ROBO2: variants seen among roughly 807,000 people sequenced by gnomAD.
The protein encoded by ROBO2 is roundabout guidance receptor 2.
Under a neutral mutation model 160.8 loss-of-function variants are expected in ROBO2, and 53 were observed. The observed-to-expected ratio is 0.33, with a 90% CI of 0.26 to 0.41. The LOEUF (loss-of-function observed/expected upper bound fraction) is 0.41, where lower values mean the gene tolerates loss of function less well. ROBO2 is among the 10% of genes least tolerant of loss of function. The probability of loss-of-function intolerance (pLI) is 1.00; values close to 1 mark genes in which losing one functional copy is unlikely to be tolerated. For synonymous variants in ROBO2, 664 were observed against 611.7 expected, an observed-to-expected ratio of 1.09 and a Z score of -1.26; for missense variants, 1,577 against 1,722.4, an observed-to-expected ratio of 0.92 and a Z score of 1.49.
intron 5 of ROBO2, among the ~76,000 whole-genome samples, chr3:77,515,820 G>C (rs1378663507): frequency 6.6e-6 from 1 of 151,602 alleles, no homozygotes; most frequent in East Asian, 1.9e-4. Flanking sequence ...TGCTACCGAT[G>C]AATTCCAGGG....
intron 19 of ROBO2, among the ~76,000 whole-genome samples, chr3:77,601,949 C>T (rs528828900): frequency 1.3e-5 from 2 of 152,148 alleles, no homozygotes; most frequent in South Asian, 2.1e-4. Flanking sequence ...GTATGCCAAC[C>T]GTCTCATTCA....
chr3:76,705,020 C>T (rs1321063361), intron 2 of ROBO2, among the ~76,000 whole-genome samples: 1 of 151,986 alleles, frequency 6.6e-6, no homozygotes, highest in East Asian at 1.9e-4. Context: ...AGCTTTGTAC[C>T]ACATACAGCC....
chr3:76,687,340 A>C (rs1188927774), intron 2 of ROBO2, among the ~76,000 whole-genome samples: 1 of 152,070 alleles, frequency 6.6e-6, no homozygotes, highest in African/African-American at 2.4e-5. Flanking sequence ...TGAGAATTAA[A>C]TGAGTTAATA....
intron 2 of ROBO2, among the ~76,000 whole-genome samples, chr3:76,436,577 A>C (rs2076694113): frequency 6.6e-6 from 1 of 152,076 alleles, no homozygotes; most frequent in African/African-American, 2.4e-5. Context: ...GTGGGAAGAG[A>C]GATTGTCCTG....
intron 2 of ROBO2, among the ~76,000 whole-genome samples, chr3:77,436,982 G>A (rs2079356386): frequency 1.3e-5 from 2 of 151,900 alleles, no homozygotes; most frequent in African/African-American, 2.4e-5. Context: ...TTGGACAATT[G>A]TATACACATG....
intron 2 of ROBO2, among the ~76,000 whole-genome samples, chr3:76,315,144 T>C (rs1362271703): frequency 6.6e-6 from 1 of 152,192 alleles, no homozygotes; most frequent in Non-Finnish European, 1.5e-5. Flanking sequence ...ACCTGACTGT[T>C]GTCCATGTCC....
intron 2 of ROBO2, among the ~76,000 whole-genome samples, chr3:76,802,270 C>T (rs1438802178): frequency 6.6e-6 from 1 of 152,082 alleles, no homozygotes; most frequent in Non-Finnish European, 1.5e-5. Flanking sequence ...TGCAATCAAG[C>T]GAAGCACAAT....
At chr3:76,911,836 G>A (rs918637862) in intron 2 of ROBO2, among the ~76,000 whole-genome samples, 7 of 151,972 alleles carry the variant, frequency 4.6e-5, no homozygotes, top group South Asian at 4.1e-4. Context: ...GTGTGGTGGC[G>A]CATGCCTGTA....
chr3:77,133,280 G>A (rs1340142640), intron 2 of ROBO2, among the ~76,000 whole-genome samples: 1 of 152,068 alleles, frequency 6.6e-6, no homozygotes, highest in Non-Finnish European at 1.5e-5. Context: ...GTAGCGATGA[G>A]GCCACTGGGG....
intron 2 of ROBO2, among the ~76,000 whole-genome samples, chr3:76,402,820 A>G (rs2077913808): frequency 6.6e-6 from 1 of 151,682 alleles, no homozygotes; most frequent in African/African-American, 2.4e-5. Flanking sequence ...TTTCATTTCC[A>G]CTTTTAAGAA....
chr3:76,654,571 A>G (rs896732223), intron 2 of ROBO2, among the ~76,000 whole-genome samples: 1 of 152,072 alleles, frequency 6.6e-6, no homozygotes, highest in Non-Finnish European at 1.5e-5. Context: ...TTTAACAGAG[A>G]TTAACTGACC....
chr3:77,475,811 A>G (rs2083928395), intron 2 of ROBO2, among the ~76,000 whole-genome samples: 2 of 152,214 alleles, frequency 1.3e-5, no homozygotes, highest in South Asian at 4.1e-4. Flanking sequence ...TGTCACATTT[A>G]AATGCACACT....
At chr3:77,350,072 A>AAT (rs1553918871) in intron 2 of ROBO2, among the ~76,000 whole-genome samples, 47 of 150,484 alleles carry the variant, frequency 3.1e-4, no homozygotes, top group African/African-American at 9.3e-4. Context: ...ATTAAAAAAA[A>AAT]ATATATATAT....
At chr3:77,503,505 C>CAG (rs1420892984) in intron 5 of ROBO2, among the ~76,000 whole-genome samples, 1 of 149,606 alleles carries the variant, frequency 6.7e-6, no homozygotes, top group Non-Finnish European at 1.5e-5. Context: ...GCCTGGGCCA[C>CAG]AGAGAGAGAG....
At chr3:77,286,736 C>G (rs960543187) in intron 2 of ROBO2, among the ~76,000 whole-genome samples, 2 of 152,270 alleles carry the variant, frequency 1.3e-5, no homozygotes, top group Non-Finnish European at 2.9e-5. Flanking sequence ...TTTCCCTTAT[C>G]CTTCACAGAA....
At chr3:75,933,735 A>G (rs1299168809) in intron 1 of ROBO2, among the ~76,000 whole-genome samples, 1 of 152,164 alleles carries the variant, frequency 6.6e-6, no homozygotes, top group Non-Finnish European at 1.5e-5. Context: ...TAGAAGATCC[A>G]CATGACGAGT....
At chr3:77,167,047 T>C (rs1438650252) in intron 2 of ROBO2, among the ~76,000 whole-genome samples, 2 of 152,222 alleles carry the variant, frequency 1.3e-5, no homozygotes, top group Admixed American at 1.3e-4. Context: ...AAGTTCATTA[T>C]ACTATCAGTT....
At chr3:76,390,540 A>G (rs2077100203) in intron 2 of ROBO2, among the ~76,000 whole-genome samples, 1 of 152,192 alleles carries the variant, frequency 6.6e-6, no homozygotes, top group South Asian at 2.1e-4. Context: ...TGCATCTAAG[A>G]TGAAATTCAT....
intron 2 of ROBO2, among the ~76,000 whole-genome samples, chr3:76,085,681 A>G (rs1322172356): frequency 1.3e-5 from 2 of 152,190 alleles, no homozygotes; most frequent in Admixed American, 6.5e-5. Flanking sequence ...ACAGAGTTTC[A>G]AAACCGACTT....
Sources: gnomAD v4.1 joint callset for allele counts (sites outside exome capture counted in the v4.1 genomes callset) on GRCh38, gnomAD v4.1.1 for gene constraint, MANE v1.5 for transcripts, NCBI Gene and HGNC (gene_info 2026-07-23, HGNC 2026-07-21) for gene names.